Variants in CHD2 observed in about 807,000 individuals in gnomAD.
CHD2 encodes the protein ATP-dependent chromatin remodeler CHD2.
A neutral mutation model predicts 243.9 loss-of-function variants in CHD2; 28 were observed. The observed-to-expected ratio is 0.11, with a 90% CI of 0.09 to 0.16. The LOEUF (loss-of-function observed/expected upper bound fraction) is 0.16, where lower values mean the gene tolerates loss of function less well. Among genes scored for constraint, CHD2 ranks in the 10% least tolerant of loss-of-function variants. The pLI is 1.00. For missense variants in CHD2, 1,386 were observed against 2,209.8 expected (o/e 0.63, Z 7.47); for synonymous variants, 775 against 779.0 (o/e 0.99, Z 0.09).
chr15:92,912,385 C>G (rs952727161), intron 2 of CHD2, among the ~76,000 whole-genome samples: 8 of 152,192 alleles, frequency 5.3e-5, no homozygotes, highest in Non-Finnish European at 1.2e-4. Context: ...GAGGCGGAGT[C>G]TCGCTCTGTC....
intron 17 of CHD2, 127 bp downstream of exon 17, chr15:92,967,640 C>T (rs2053783552): frequency 3.6e-6 from 2 of 559,418 alleles, no homozygotes; most frequent in Non-Finnish European, 5.5e-6. Context: ...ATTCTGCTGC[C>T]TCAGCCTACC....
chr15:92,953,580 A>T lies in CHD2; in HGVS notation c.1719+7A>T. 1 of 1,611,262 alleles carries T rather than the reference A, an allele frequency of 6.2e-7. No homozygotes were observed. The highest frequency in any genetic ancestry group is 8.5e-7 in the Non-Finnish European group (1 of 1,177,370). On this transcript the variant is annotated splice_region_variant and intron_variant, in intron 14 of 38. Coordinates refer to ENST00000394196, the MANE Select transcript of CHD2 (RefSeq NM_001271.4). Reference sequence around the variant, plus strand: ...CCTGATGAGCAGAAATACGGTGTGTAAACAAAAAGAGCTGGGTTAGAATCT... The same window carrying T: ...CCTGATGAGCAGAAATACGGTGTGTTAACAAAAAGAGCTGGGTTAGAATCT...
At chr15:92,950,056 T>C (rs1220440198) in intron 13 of CHD2, among the ~76,000 whole-genome samples, 1 of 152,120 alleles carries the variant, frequency 6.6e-6, no homozygotes. Flanking sequence ...AGGAGAATAA[T>C]AACATTTCCA....
At chr15:93,000,908 C>T (rs1021692680) in intron 32 of CHD2, among the ~76,000 whole-genome samples, 1 of 152,102 alleles carries the variant, frequency 6.6e-6, no homozygotes, top group Non-Finnish European at 1.5e-5. Context: ...CGCTCTTGTC[C>T]GCGAGGCTGG....
chr15:92,909,306 C>G (rs533000523), intron 2 of CHD2, among the ~76,000 whole-genome samples: 2 of 152,188 alleles, frequency 1.3e-5, no homozygotes, highest in South Asian at 4.1e-4. Context: ...ACATTCCATT[C>G]TAAACTTCCT....
At chr15:93,000,326 C>T (rs1241647017) in intron 31 of CHD2, among the ~76,000 whole-genome samples, 186 bp from the exon 32 acceptor site, 1 of 151,942 alleles carries the variant, frequency 6.6e-6, no homozygotes, top group East Asian at 1.9e-4. Flanking sequence ...TGTATAAGGC[C>T]TATAGGTTTT....
At chr15:93,010,581 G>A (rs898399752) in intron 35 of CHD2, among the ~76,000 whole-genome samples, 3 of 152,078 alleles carry the variant, frequency 2.0e-5, no homozygotes, top group East Asian at 1.9e-4. Flanking sequence ...CTGCCATCAC[G>A]CCTGGCTAAT....
intron 2 of CHD2, chr15:92,901,632 T>C (rs756754418): frequency 9.4e-6 from 4 of 427,206 alleles, no homozygotes; most frequent in Non-Finnish European, 1.6e-5. Flanking sequence ...AATGACCTTG[T>C]CGGTTTAGCC....
rs568829129 is a variant in CHD2, at chr15:92,926,212, A to T, written c.295-1032A>T. 2.7e-4 allele frequency among the ~76,000 whole-genome samples: 41 copies of T among 152,304 alleles called. 1 individual carries two copies. In the South Asian group the frequency reaches 8.1e-3, roughly 30 times the overall value. ...GATCTTGAGCTCCTGAACTCAAGCC[A>T]TTCTTCTGCCTGGACCTCCCAGGGT... On this transcript the variant is annotated intron_variant, in intron 3 of 38. Transcript: ENST00000394196.
intron 5 of CHD2, among the ~76,000 whole-genome samples, chr15:92,935,465 T>C (rs1024341968): frequency 1.1e-4 from 17 of 152,354 alleles, no homozygotes; most frequent in African/African-American, 2.9e-4. Context: ...GCTATACTTA[T>C]AGAAGTGGAC....
rs55979414 is a variant in CHD2, at chr15:92,980,222, CTTT to C, written c.2877-577_2877-575del. On this transcript the variant is annotated intron_variant, in intron 22 of 38. Transcript: ENST00000394196. Reference sequence around the variant, plus strand: ...ACCACACCTAGCTAATTTTTTTTTTCTTTTTTTTTTTTTTTTTTAGTAGAGACA... The same window carrying C: ...ACCACACCTAGCTAATTTTTTTTTTCTTTTTTTTTTTTTTTAGTAGAGACA... Among the ~76,000 whole-genome samples, 635 of 124,930 alleles carry C rather than the reference CTTT, an allele frequency of 5.1e-3. 3 individuals carry two copies. Among genetic ancestry groups the C allele is most frequent in the South Asian group, 0.018 (69 of 3,778 alleles). 82.0% of individuals were successfully genotyped at this position (124,930 alleles called of 152,430 possible).
chr15:92,923,011 T>A (rs2052988933), intron 2 of CHD2, among the ~76,000 whole-genome samples: 1 of 152,224 alleles, frequency 6.6e-6, no homozygotes, highest in African/African-American at 2.4e-5. Flanking sequence ...TGGAGGCCAG[T>A]AGCCGTCTTT....
intron 17 of CHD2, among the ~76,000 whole-genome samples, chr15:92,969,998 C>T (rs1406009862): frequency 6.6e-6 from 1 of 151,666 alleles, no homozygotes; most frequent in Non-Finnish European, 1.5e-5. Context: ...GATAGTTTTT[C>T]TTCTGTGTCT....
intron 33 of CHD2, among the ~76,000 whole-genome samples, chr15:93,004,172 G>T (rs1271773182): frequency 6.7e-6 from 1 of 149,890 alleles, no homozygotes; most frequent in Non-Finnish European, 1.5e-5. Context: ...ATATTCTTCT[G>T]CAACCTTTCC....
intron 2 of CHD2, among the ~76,000 whole-genome samples, chr15:92,910,494 G>A (rs1054568675): frequency 2.6e-5 from 4 of 152,168 alleles, no homozygotes; most frequent in Non-Finnish European, 4.4e-5. Flanking sequence ...CCAGGTTCAA[G>A]CGATTGTTCT....
At chr15:92,921,290 CA>C (rs2052950558) in intron 2 of CHD2, 1 of 152,206 alleles carries the variant, frequency 6.6e-6, no homozygotes, top group South Asian at 2.1e-4. Flanking sequence ...GAGTCTGGAG[CA>C]GTGGGGGTGA....
chr15:92,901,575 T>C (rs1219687769), intron 2 of CHD2: 2 of 441,040 alleles, frequency 4.5e-6, no homozygotes, highest in African/African-American at 4.1e-5. Flanking sequence ...TAATGTACAG[T>C]TTTTCTGTCA....
chr15:92,901,423 C>A, intron 2 of CHD2, 124 bp downstream of exon 2: 1 of 678,820 alleles, frequency 1.5e-6, no homozygotes, highest in South Asian at 1.8e-5. Context: ...AATTTGGATT[C>A]GTTTTTTAAA....
At chr15:92,969,542 C>G (rs1676118343) in intron 17 of CHD2, among the ~76,000 whole-genome samples, 2 of 152,172 alleles carry the variant, frequency 1.3e-5, no homozygotes, top group Non-Finnish European at 2.9e-5. Flanking sequence ...TGGACTATGG[C>G]AAAGATGAGG....
Sources: gnomAD v4.1 joint callset for allele counts (sites outside exome capture counted in the v4.1 genomes callset) on GRCh38, gnomAD v4.1.1 for gene constraint, MANE v1.5 for transcripts, NCBI Gene and HGNC (gene_info 2026-07-23, HGNC 2026-07-21) for gene names.